The following ROBO1 variants were observed in gnomAD, a reference collection of about 807,000 sequenced individuals.
The protein encoded by ROBO1 is roundabout homolog 1.
Under a neutral mutation model 195.9 loss-of-function variants are expected in ROBO1, and 149 were observed. That is an observed-to-expected ratio of 0.76 (90% CI 0.67 to 0.87). The LOEUF (loss-of-function observed/expected upper bound fraction) is 0.87. Ranked by LOEUF, ROBO1 falls within the 40% of genes least tolerant of loss-of-function variation. ROBO1 has a pLI of 0.00. For missense variants in ROBO1, 1,933 were observed against 2,068.3 expected, an observed-to-expected ratio of 0.93 and a Z score of 1.27; for synonymous variants, 816 against 733.2, an observed-to-expected ratio of 1.11 and a Z score of -1.82.
At chr3:79,513,302 A>C (rs1940799885) in intron 2 of ROBO1, among the ~76,000 whole-genome samples, 1 of 152,108 alleles carries the variant, frequency 6.6e-6, no homozygotes. Context: ...TAAACTATGT[A>C]ATAATACATC....
chr3:79,607,007 G>C (rs925823937), intron 1 of ROBO1, among the ~76,000 whole-genome samples: 1 of 151,184 alleles, frequency 6.6e-6, no homozygotes, highest in Non-Finnish European at 1.5e-5. Context: ...TGAGATTTCC[G>C]ATAGCAATGT....
intron 3 of ROBO1, among the ~76,000 whole-genome samples, chr3:79,072,587 C>A (rs1391230596): frequency 1.3e-5 from 2 of 151,870 alleles, no homozygotes; most frequent in African/African-American, 2.4e-5. Context: ...TATAGTTCTG[C>A]CTGGCTCCTG....
chr3:79,531,277 T>C (rs1052604225), intron 2 of ROBO1, among the ~76,000 whole-genome samples: 6 of 152,158 alleles, frequency 3.9e-5, no homozygotes, highest in African/African-American at 1.4e-4. Context: ...TTTATATTAA[T>C]AAATTAATAA....
chr3:79,368,309 A>AG (rs2036050493), intron 2 of ROBO1, among the ~76,000 whole-genome samples: 1 of 152,166 alleles, frequency 6.6e-6, no homozygotes, highest in Non-Finnish European at 1.5e-5. Flanking sequence ...CTAGAGTCCT[A>AG]GAGACCCTTT....
chr3:79,567,100 CA>C (rs2107731949), intron 2 of ROBO1, among the ~76,000 whole-genome samples: 1 of 152,236 alleles, frequency 6.6e-6, no homozygotes, highest in African/African-American at 2.4e-5. Context: ...ATGTCCATTG[CA>C]GGGGCAGGGG....
chr3:79,766,304 C>T (rs1704987073), intron 1 of ROBO1, among the ~76,000 whole-genome samples: 3 of 151,746 alleles, frequency 2.0e-5, no homozygotes, highest in Non-Finnish European at 4.4e-5. Flanking sequence ...CCCTTCTTTC[C>T]CCCTTCGTGT....
chr3:78,939,430 A>C lies in ROBO1; in HGVS notation c.173-503T>G, dbSNP rs575157641. Among the ~76,000 whole-genome samples, 78 of 150,910 alleles carry C rather than the reference A, an allele frequency of 5.2e-4. 1 individual carries two copies. Among genetic ancestry groups the C allele is most frequent in the Non-Finnish European group, 8.6e-4 (58 of 67,708 alleles). On this transcript the variant is annotated intron_variant, in intron 3 of 30. Transcript: ENST00000464233. ...GAGATCAAGACCATCCTGGCTAACA[A>C]GGTGAAACCCCGTCTCTACTAAAAA...
chr3:79,011,471 A>C (rs1260773558), intron 3 of ROBO1, among the ~76,000 whole-genome samples: 2 of 152,014 alleles, frequency 1.3e-5, no homozygotes, highest in African/African-American at 4.8e-5. Context: ...TGATATTGAA[A>C]CAGACATTTG....
In ROBO1 at chr3:78,597,562, A is replaced by G. The variant is rs1479682394; in HGVS notation, c.*1351T>C. ...TACATTTTTTTCTTCAAATAGCACC[A>G]ATTATAAAATCAATGATATTCATAA... On this transcript the variant is annotated 3_prime_UTR_variant, in exon 31 of 31. Coordinates refer to ENST00000464233, the MANE Select transcript of ROBO1 (RefSeq NM_002941.4). The G allele has an allele frequency of 1.3e-5, 2 of 151,834 alleles. No individual in the cohort carries two copies. The highest frequency in any genetic ancestry group is 2.4e-5 in the African/African-American group (1 of 40,860). 9.4% of individuals were successfully genotyped at this position (151,834 alleles called of 1,614,324 possible).
At chr3:79,707,986 G>A (rs1352565917) in intron 1 of ROBO1, among the ~76,000 whole-genome samples, 1 of 151,958 alleles carries the variant, frequency 6.6e-6, no homozygotes, top group Non-Finnish European at 1.5e-5. Context: ...TTTTTTTGTC[G>A]ATGTTAGATT....
chr3:78,956,892 T>C (rs2107805502), intron 3 of ROBO1, among the ~76,000 whole-genome samples: 1 of 152,218 alleles, frequency 6.6e-6, no homozygotes. Context: ...GTGAACACAG[T>C]ATCACATGTG....
chr3:79,441,959 G>C (rs2039068600), intron 2 of ROBO1, among the ~76,000 whole-genome samples: 1 of 151,906 alleles, frequency 6.6e-6, no homozygotes, highest in Non-Finnish European at 1.5e-5. Flanking sequence ...ATTTAAACAA[G>C]TAAGTTATAT....
chr3:79,586,640 C>T (rs1209195001), intron 2 of ROBO1, among the ~76,000 whole-genome samples: 1 of 151,636 alleles, frequency 6.6e-6, no homozygotes, highest in Non-Finnish European at 1.5e-5. Context: ...AAACCTAGAA[C>T]TCAATTTTAT....
intron 1 of ROBO1, among the ~76,000 whole-genome samples, chr3:79,625,430 A>AAAAAAAAAAAAAAAAAAAAC: frequency 7.1e-6 from 1 of 140,676 alleles, no homozygotes; most frequent in Non-Finnish European, 1.6e-5. Flanking sequence ...TTTGAAAAAA[A>AAAAAAAAAAAAAAAAAAAAC]AAAAAAAAAA....
chr3:78,711,359 C>CT (rs1210435762), intron 8 of ROBO1, among the ~76,000 whole-genome samples: 24 of 39,466 alleles, frequency 6.1e-4, no homozygotes, highest in African/African-American at 3.7e-3. Context: ...TCCTTCCTTC[C>CT]TTCCTTCCTT....
chr3:79,134,712 A>G (rs1176553887), intron 2 of ROBO1, among the ~76,000 whole-genome samples: 1 of 84,128 alleles, frequency 1.2e-5, no homozygotes, highest in African/African-American at 4.7e-5. Context: ...GCAGCCATAA[A>G]AAATGATGAG....
At chr3:79,502,331 C>T (rs1007703394) in intron 2 of ROBO1, among the ~76,000 whole-genome samples, 12 of 152,214 alleles carry the variant, frequency 7.9e-5, no homozygotes, top group South Asian at 2.1e-4. Flanking sequence ...GGCGGGGGCT[C>T]GGCGAGCCGC....
At chr3:78,678,753 C>T (rs542584203) in intron 10 of ROBO1, among the ~76,000 whole-genome samples, 5 of 152,138 alleles carry the variant, frequency 3.3e-5, no homozygotes, top group East Asian at 3.9e-4. Flanking sequence ...GGTACAAGGA[C>T]GAACTGATAC....
chr3:78,971,255 G>A (rs1385565897), intron 3 of ROBO1, among the ~76,000 whole-genome samples: 2 of 152,120 alleles, frequency 1.3e-5, no homozygotes, highest in African/African-American at 4.8e-5. Flanking sequence ...CAGGCATGGT[G>A]GTGGGCATCT....
Sources: gnomAD v4.1 joint callset for allele counts (sites outside exome capture counted in the v4.1 genomes callset) on GRCh38, gnomAD v4.1.1 for gene constraint, MANE v1.5 for transcripts, NCBI Gene and HGNC (gene_info 2026-07-23, HGNC 2026-07-21) for gene names.